Variants in ATP11C observed in about 807,000 individuals in gnomAD.
The protein encoded by ATP11C is ATPase phospholipid transporting 11C (ATP11C blood group), also known as phospholipid-transporting ATPase IG.
In ATP11C, 36 loss-of-function variants were observed where a neutral mutation model predicts 97.4. That is an observed-to-expected ratio of 0.37 (90% CI 0.28 to 0.49). The LOEUF is 0.49. Among genes scored for constraint, ATP11C ranks in the 20% least tolerant of loss-of-function variants. The pLI, the probability that ATP11C is intolerant of heterozygous loss-of-function variation, is 0.98. For missense variants in ATP11C, 730 were observed against 824.6 expected (o/e 0.89, Z 1.40); for synonymous variants, 275 against 290.9 (o/e 0.95, Z 0.56).
chrX:139,741,931 T>C (rs752528164), intron 26 of ATP11C, among the ~76,000 whole-genome samples: 3 of 112,055 alleles, frequency 2.7e-5, no homozygotes, highest in East Asian at 5.7e-4. Context: ...ATCAGCTCTC[T>C]GTTATAGTTT....
chrX:139,924,203 T>C (rs2085315302), intron 1 of ATP11C: 3 of 384,362 alleles, frequency 7.8e-6, no homozygotes, highest in Non-Finnish European at 1.6e-5. Context: ...GAAACATCAA[T>C]ACTTCCTGGC....
At chrX:139,738,152 T>C in intron 27 of ATP11C, 83 bp from the exon 28 acceptor site, 1 of 838,172 alleles carries the variant, frequency 1.2e-6, no homozygotes, top group African/African-American at 2.0e-5. Flanking sequence ...ATGTCGTTTG[T>C]ATTTAAAAAG....
At chrX:139,894,162 T>C (rs1028743959) in intron 1 of ATP11C, among the ~76,000 whole-genome samples, 2 of 112,167 alleles carry the variant, frequency 1.8e-5, no homozygotes, top group Non-Finnish European at 1.9e-5. Context: ...CATTCCTTGA[T>C]ACTGAAACTC....
intron 16 of ATP11C, among the ~76,000 whole-genome samples, chrX:139,784,101 C>T (rs959394337): frequency 8.9e-6 from 1 of 112,051 alleles, no homozygotes; most frequent in Non-Finnish European, 1.9e-5. Context: ...CAGTTGTGCA[C>T]TAAGACAGAC....
intron 1 of ATP11C, among the ~76,000 whole-genome samples, chrX:139,844,507 C>T (rs2083882118): frequency 1.8e-5 from 2 of 112,155 alleles, no homozygotes; most frequent in Admixed American, 1.9e-4. Flanking sequence ...TCCATACTGC[C>T]CTGGTAGCAC....
intron 1 of ATP11C, among the ~76,000 whole-genome samples, chrX:139,875,702 T>C (rs1047382208): frequency 2.0e-4 from 22 of 112,311 alleles, no homozygotes; most frequent in African/African-American, 6.8e-4. Context: ...TTGCTAATAA[T>C]AGCTAAGGTT....
chrX:139,765,944 T>C (rs2082126549), intron 20 of ATP11C, among the ~76,000 whole-genome samples: 1 of 111,816 alleles, frequency 8.9e-6, no homozygotes, highest in African/African-American at 3.3e-5. Context: ...GAAAGGGTAA[T>C]GTATGTGGTA....
At chrX:139,796,960 T>G (rs916611917) in intron 11 of ATP11C, among the ~76,000 whole-genome samples, 8 of 111,115 alleles carry the variant, frequency 7.2e-5, no homozygotes, top group Non-Finnish European at 1.3e-4. Context: ...TCTTTTACAA[T>G]AAAGAAAATA....
chrX:139,839,256 T>C (rs1479337861), intron 1 of ATP11C, among the ~76,000 whole-genome samples: 2 of 111,871 alleles, frequency 1.8e-5, no homozygotes, highest in African/African-American at 6.5e-5. Flanking sequence ...TTAATAAGTA[T>C]GGAGTTTCCT....
At chrX:139,874,973 C>T (rs1045401045) in intron 1 of ATP11C, among the ~76,000 whole-genome samples, 1 of 110,821 alleles carries the variant, frequency 9.0e-6, no homozygotes, top group African/African-American at 3.3e-5. Flanking sequence ...CACCTACTAC[C>T]TCCTCCTCCC....
At chrX:139,755,548 C>G (rs1237604458) in intron 23 of ATP11C, among the ~76,000 whole-genome samples, 1 of 111,566 alleles carries the variant, frequency 9.0e-6, no homozygotes, top group Non-Finnish European at 1.9e-5. Context: ...GCAAAATGAA[C>G]AAAGCTGGAG....
In ATP11C at chrX:139,798,397, C is replaced by T. The variant is rs191187635; in HGVS notation, c.776-43G>A. 1.2e-3 allele frequency: 1,171 copies of T among 1,011,939 alleles called. 14 individuals are homozygous for T. The African/African-American group carries it at 0.02, about 17-fold the overall frequency. 83.4% of individuals were successfully genotyped at this position (1,011,939 alleles called of 1,213,427 possible). On this transcript the variant is annotated intron_variant, in intron 9 of 29. Coordinates refer to ENST00000682941, the MANE Select transcript of ATP11C (RefSeq NM_001353812.2). The stretch of plus-strand genomic sequence containing the variant: ...ATAATAAAAACTAAGAACTTGTCAA[C>T]CAACTCCTCACCCAGCTGGCTCTAT...
rs375515483 is a variant in ATP11C at position 139,785,194 on chromosome X, A to G, written c.1666+32T>C. On this transcript the variant is annotated intron_variant, in intron 16 of 29. Coordinates refer to ENST00000682941, the MANE Select transcript of ATP11C (RefSeq NM_001353812.2). ...CAACCAATAAGCCTACAAATCAACAAAGAGAAAAATTCAAGCTTTTCAGAC... is the reference window on the plus strand; with the variant it reads ...CAACCAATAAGCCTACAAATCAACAGAGAGAAAAATTCAAGCTTTTCAGAC... 754 of 1,108,705 alleles carry G rather than the reference A, an allele frequency of 6.8e-4. 1 individual carries two copies. The highest frequency in any genetic ancestry group is 8.7e-4 in the Non-Finnish European group (709 of 813,691). 91.4% of individuals were successfully genotyped at this position (1,108,705 alleles called of 1,213,427 possible).
At chrX:139,825,231 G>A (rs2083503485) in intron 2 of ATP11C, among the ~76,000 whole-genome samples, 1 of 111,649 alleles carries the variant, frequency 9.0e-6, no homozygotes, top group Admixed American at 9.5e-5. Flanking sequence ...GCACGATGAT[G>A]TAAAAAGACC....
chrX:139,736,148 C>A (rs759612712), intron 28 of ATP11C, among the ~76,000 whole-genome samples: 3 of 110,287 alleles, frequency 2.7e-5, no homozygotes, highest in Non-Finnish European at 5.7e-5. Flanking sequence ...TCCGTACTTT[C>A]AACAGAAGTT....
At chrX:139,844,759 T>C (rs1279395234) in intron 1 of ATP11C, among the ~76,000 whole-genome samples, 1 of 111,858 alleles carries the variant, frequency 8.9e-6, no homozygotes, top group Non-Finnish European at 1.9e-5. Context: ...CTAGACACAG[T>C]GATAAGCATA....
chrX:139,749,306 TTGTGTATCTTC>T (rs766930448), intron 24 of ATP11C, among the ~76,000 whole-genome samples: 36 of 112,265 alleles, frequency 3.2e-4, no homozygotes, highest in Non-Finnish European at 6.0e-4. Context: ...TCCCTTAAAT[TTGTGTATCTTC>T]ATTTCATACA....
rs1379315395 is a variant in ATP11C, at chrX:139,918,897, A to G, written c.27+13119T>C. Among the ~76,000 whole-genome samples the G allele has an allele frequency of 2.7e-5, 3 of 111,067 alleles. No homozygotes were observed. In the East Asian group the frequency reaches 8.5e-4, roughly 31 times the overall value. ...ATGTGAATACAATTTGCACTACTCT[A>G]TGCTTTAAAGAAAGATGGTAAGTTT... On this transcript the variant is annotated intron_variant, in intron 1 of 29. Transcript: ENST00000682941.
In ATP11C at chrX:139,881,137, G is replaced by A. The variant is rs753913283; in HGVS notation, c.27+50879C>T. 7.2e-5 allele frequency among the ~76,000 whole-genome samples: 8 copies of A among 111,836 alleles called. No individual in the cohort carries two copies. In the South Asian group the frequency reaches 1.9e-3, roughly 26 times the overall value. On this transcript the variant is annotated intron_variant, in intron 1 of 29. Transcript: ENST00000682941. ...TTATTGAGCACTTACTCTATGCCAGGCACAGTCTAAGCCTTCAGCATCCAT... is the reference window on the plus strand; with the variant it reads ...TTATTGAGCACTTACTCTATGCCAGACACAGTCTAAGCCTTCAGCATCCAT...
Sources: gnomAD v4.1 joint callset for allele counts (sites outside exome capture counted in the v4.1 genomes callset) on GRCh38, gnomAD v4.1.1 for gene constraint, MANE v1.5 for transcripts, NCBI Gene and HGNC (gene_info 2026-07-23, HGNC 2026-07-21) for gene names.